SH3TC1: variants seen among roughly 807,000 people sequenced by gnomAD.
SH3TC1 encodes SH3 domain and tetratricopeptide repeat-containing protein 1.
Under a neutral mutation model 117.3 loss-of-function variants are expected in SH3TC1, and 135 were observed. The observed-to-expected ratio is 1.15, with a 90% CI of 1.00 to 1.33. The LOEUF (loss-of-function observed/expected upper bound fraction) is 1.33. Ranked by LOEUF, SH3TC1 falls within the 40% of genes most tolerant of loss-of-function variation. The pLI is 0.00. For synonymous variants in SH3TC1, 898 were observed against 816.9 expected (o/e 1.10, Z -1.69); for missense variants, 2,092 against 1,794.3 (o/e 1.17, Z -3.00).
At chr4:8,211,155 C>T (rs1718645508) in intron 3 of SH3TC1, among the ~76,000 whole-genome samples, 1 of 109,200 alleles carries the variant, frequency 9.2e-6, no homozygotes, top group Non-Finnish European at 1.9e-5. Flanking sequence ...TCCCTCTCCC[C>T]CCACCTGTTT....
upstream of SH3TC1, among the ~76,000 whole-genome samples, chr4:8,197,411 G>A (rs556895276): frequency 1.0e-3 from 156 of 152,316 alleles, 1 homozygote; most frequent in African/African-American, 3.6e-3. Flanking sequence ...GCCCCTCGAC[G>A]AGGCCAGAGA....
chr4:8,235,714 G>GC, intron 15 of SH3TC1, 159 bp downstream of exon 15: 12 of 1,051,392 alleles, frequency 1.1e-5, no homozygotes, highest in Admixed American at 3.1e-5. Flanking sequence ...TATTGACTGT[G>GC]CCCCCCGCCC....
chr4:8,205,648 C>A lies in SH3TC1; in HGVS notation c.172+282C>A, dbSNP rs367563437. On this transcript the variant is annotated intron_variant, in intron 2 of 17. Coordinates refer to ENST00000245105, the MANE Select transcript of SH3TC1 (RefSeq NM_018986.5). The surrounding 1 kb of genome is among the most constrained non-coding windows in gnomAD (Gnocchi z 5.4). The stretch of plus-strand genomic sequence containing the variant: ...AAGAACGAGGCAGGGGCCTTTGAAC[C>A]CCCATGTTCAGAGACCGTTCCAGAA... 53 of 764,970 alleles carry A rather than the reference C, an allele frequency of 6.9e-5. No homozygotes were observed. The highest frequency in any genetic ancestry group is 1.1e-4 in the Non-Finnish European group (46 of 418,308). 47.4% of individuals were successfully genotyped at this position (764,970 alleles called of 1,614,324 possible).
intron 1 of SH3TC1, among the ~76,000 whole-genome samples, chr4:8,185,584 C>T (rs762472250): frequency 3.9e-5 from 6 of 152,208 alleles, no homozygotes; most frequent in South Asian, 2.1e-4. Context: ...GAAAATGGAG[C>T]AGACACTCTG....
intron 12 of SH3TC1, 113 bp from the exon 13 acceptor site, chr4:8,231,863 G>T (rs1310015926): frequency 1.4e-5 from 18 of 1,275,200 alleles, no homozygotes; most frequent in East Asian, 2.3e-5. Context: ...CGCCTGTGGG[G>T]CCCAGGCTCA....
chr4:8,221,583 C>T (rs1719924166), intron 9 of SH3TC1, among the ~76,000 whole-genome samples: 1 of 152,132 alleles, frequency 6.6e-6, no homozygotes, highest in African/African-American at 2.4e-5. Flanking sequence ...TTATTGCTTT[C>T]TCTCTTTCAC....
chr4:8,232,628 C>T, intron 13 of SH3TC1: 1 of 1,316,448 alleles, frequency 7.6e-7, no homozygotes, highest in South Asian at 1.2e-5. Flanking sequence ...GGTCTCACAT[C>T]CCACATGTGG....
intron 17 of SH3TC1, among the ~76,000 whole-genome samples, chr4:8,239,950 G>A (rs1176745404): frequency 3.9e-5 from 6 of 152,240 alleles, no homozygotes; most frequent in South Asian, 2.1e-4. Flanking sequence ...TGTGTGGGGC[G>A]GGGCCGTGAG....
At chr4:8,196,279 G>T (rs981153856), upstream of SH3TC1, among the ~76,000 whole-genome samples, 5 of 152,324 alleles carry the variant, frequency 3.3e-5, no homozygotes, top group South Asian at 1.0e-3. This position sits in a 1 kb window ranked among gnomAD's most constrained non-coding sequence, Gnocchi z 4.6. Flanking sequence ...AGGTTGTGTT[G>T]ATGGATGTGT....
intron 9 of SH3TC1, among the ~76,000 whole-genome samples, chr4:8,221,390 C>G (rs1719907059): frequency 6.6e-6 from 1 of 152,300 alleles, no homozygotes; most frequent in African/African-American, 2.4e-5. Flanking sequence ...AATATCTTTC[C>G]TATTCCAGAC....
rs926404323 is a variant in SH3TC1, at chr4:8,237,394, C to T, written c.3557-80C>T. 25 of 1,261,668 alleles carry T rather than the reference C, an allele frequency of 2.0e-5. No homozygotes were observed. In the Admixed American group the frequency reaches 4.8e-4, roughly 24 times the overall value. 78.2% of individuals were successfully genotyped at this position (1,261,668 alleles called of 1,614,324 possible). On this transcript the variant is annotated intron_variant, in intron 16 of 17. Transcript: ENST00000245105. ...CCCAGGTGACCGCAGTGCCTGGAGG[C>T]GAGCCAGGTGCTGCCGGGGTCTGCA...
intron 1 of SH3TC1, among the ~76,000 whole-genome samples, chr4:8,182,819 T>C (rs1717114892): frequency 6.6e-6 from 1 of 152,198 alleles, no homozygotes; most frequent in East Asian, 1.9e-4. Flanking sequence ...GCCCTCCTGC[T>C]ACACCAGTGC....
At chr4:8,198,116 A>G (rs1440834231), upstream of SH3TC1, among the ~76,000 whole-genome samples, 1 of 152,112 alleles carries the variant, frequency 6.6e-6, no homozygotes, top group South Asian at 2.1e-4. Flanking sequence ...CCGCCCTGCA[A>G]CAAAGAAGGA....
intron 8 of SH3TC1, among the ~76,000 whole-genome samples, chr4:8,218,560 C>A (rs775001182): frequency 6.6e-6 from 1 of 152,214 alleles, no homozygotes; most frequent in Non-Finnish European, 1.5e-5. Flanking sequence ...GAGGTCATAA[C>A]TGACACTCAG....
chr4:8,203,981 C>A (rs959040009), intron 1 of SH3TC1, among the ~76,000 whole-genome samples: 11 of 152,220 alleles, frequency 7.2e-5, no homozygotes, highest in African/African-American at 2.7e-4. Flanking sequence ...AAGGCCCCAG[C>A]CTCGTGGGCC....
In SH3TC1 at chr4:8,206,053, C is replaced by T. The variant is rs1370842572; in HGVS notation, c.172+687C>T. On this transcript the variant is annotated intron_variant, in intron 2 of 17. Transcript: ENST00000245105. This position sits in a 1 kb window ranked among gnomAD's most constrained non-coding sequence, Gnocchi z 5.5. Reference sequence around the variant, plus strand: ...CTGCCTATGTCCCTGTCTTGGGACTCCAGGGCTTGGCACATGGTAGGTGCT... The same window carrying T: ...CTGCCTATGTCCCTGTCTTGGGACTTCAGGGCTTGGCACATGGTAGGTGCT... 1 of 235,638 alleles carries T rather than the reference C, an allele frequency of 4.2e-6. No individual in the cohort carries two copies. Among genetic ancestry groups the T allele is most frequent in the Non-Finnish European group, 8.3e-6 (1 of 120,642 alleles). The allele number at this position is 235,638 out of a possible 1,614,324, so 14.6% of individuals were successfully genotyped here.
rs1445689391 is a variant in SH3TC1, at chr4:8,216,388, G to A, written c.628+131G>A. ...GGCTGCGGAGCCTCTGGAGGCTGAG[G>A]GGTGCTTCAGGCAGGGAGGTGTGCT... On this transcript the variant is annotated intron_variant, in intron 6 of 17. Transcript: ENST00000245105. 5.2e-6 allele frequency: 7 copies of A among 1,356,380 alleles called. No homozygotes were observed. The African/African-American group carries it at 5.8e-5, about 11-fold the overall frequency. 84.0% of individuals were successfully genotyped at this position (1,356,380 alleles called of 1,614,324 possible).
chr4:8,221,565 C>A (rs964359320), intron 9 of SH3TC1, among the ~76,000 whole-genome samples: 4 of 152,106 alleles, frequency 2.6e-5, no homozygotes, highest in Non-Finnish European at 4.4e-5. Context: ...CATGTTATGA[C>A]ATTTGCTTTA....
chr4:8,235,698 G>C, intron 15 of SH3TC1, 143 bp downstream of exon 15: 1 of 1,196,842 alleles, frequency 8.4e-7, no homozygotes, highest in Non-Finnish European at 1.1e-6. Flanking sequence ...GTTTCACCGG[G>C]AATGATATTG....
Sources: gnomAD v4.1 joint callset for allele counts (sites outside exome capture counted in the v4.1 genomes callset) on GRCh38, gnomAD v4.1.1 for gene constraint, Gnocchi (gnomAD v3.1) non-coding constraint, MANE v1.5 for transcripts, NCBI Gene and HGNC (gene_info 2026-07-23, HGNC 2026-07-21) for gene names.